The following TLL2 variants were observed in gnomAD, a reference collection of about 807,000 sequenced individuals.
The protein encoded by TLL2 is tolloid like 2, also known as tolloid-like protein 2.
In TLL2, 106 loss-of-function variants were observed where a neutral mutation model predicts 123.0. That is an observed-to-expected ratio of 0.86 (90% CI 0.74 to 1.01). The LOEUF (loss-of-function observed/expected upper bound fraction) is 1.01. TLL2 is among the 50% of genes least tolerant of loss of function. The probability of loss-of-function intolerance (pLI) is 0.00; values close to 1 mark genes in which losing one functional copy is unlikely to be tolerated. For missense variants in TLL2, 1,332 were observed against 1,336.7 expected (o/e 1.00, Z 0.06); for synonymous variants, 494 against 516.8 (o/e 0.96, Z 0.60).
intron 16 of TLL2, among the ~76,000 whole-genome samples, chr10:96,382,584 G>C (rs1846195616): frequency 6.6e-6 from 1 of 152,250 alleles, no homozygotes; most frequent in African/African-American, 2.4e-5. Flanking sequence ...AGTGTTGAGA[G>C]ATGAGGCCCT....
At chr10:96,370,724 C>A (rs1050230970) in intron 19 of TLL2, among the ~76,000 whole-genome samples, 2 of 152,182 alleles carry the variant, frequency 1.3e-5, no homozygotes, top group East Asian at 3.9e-4. Context: ...CTCGCCCCAC[C>A]GACTGACTGC....
intron 1 of TLL2, among the ~76,000 whole-genome samples, chr10:96,498,314 C>T (rs1271028959): frequency 5.3e-5 from 8 of 152,188 alleles, no homozygotes; most frequent in Non-Finnish European, 1.5e-5. Context: ...ACTGCCCCTC[C>T]CAGGCCTTCA....
In TLL2 at chr10:96,513,528, T is replaced by C; in HGVS notation, c.158A>G (p.His53Arg). 1 of 1,612,646 alleles carries C rather than the reference T, an allele frequency of 6.2e-7. No individual in the cohort carries two copies. Among genetic ancestry groups the C allele is most frequent in the South Asian group, 1.1e-5 (1 of 91,066 alleles). Residue 53 changes from histidine to arginine, a missense_variant, in exon 1 of 21, where the codon CAC becomes CGC. By Grantham distance (29) the His-to-Arg change is conservative. Transcript: ENST00000357947. ...GCACCTACCGGCTTTGCAAGGGTCG[T>C]GGTAATGCTCCAGCTGCTGCTCCGT... ...EGTEQQLEHYHDPCKAAVFWG... is the reference protein window; with the variant it reads ...EGTEQQLEHYRDPCKAAVFWG...
chr10:96,426,764 T>C (rs548109660), intron 5 of TLL2, among the ~76,000 whole-genome samples: 2 of 151,306 alleles, frequency 1.3e-5, no homozygotes, highest in South Asian at 4.1e-4. Flanking sequence ...ATATTTTGTC[T>C]CAATTAAACT....
Position 96,421,016 on chromosome 10 carries a change from G to C in TLL2, c.863C>G (p.Ser288Cys), listed in dbSNP as rs773055615. Residue 288 changes from serine to cysteine, a missense_variant, in exon 7 of 21, where the codon TCT becomes TGT. By Grantham distance (112) the Ser-to-Cys change is moderately radical (BLOSUM62 -1). Coordinates refer to ENST00000357947, the MANE Select transcript of TLL2 (RefSeq NM_012465.4). ...GTCAAAGTCGTATGTCTCTCCCAGA[G>C]AGCTCACTTCCCCAGCTTCCATTTT... ...FLKMEAGEVS[S>C]LGETYDFDSI... is the part of the protein sequence containing the mutation. 15 of 1,613,988 alleles carry C rather than the reference G, an allele frequency of 9.3e-6. No individual in the cohort carries two copies. The highest frequency in any genetic ancestry group is 8.5e-7 in the Non-Finnish European group (1 of 1,180,004).
chr10:96,453,716 G>C (rs1318941036), intron 2 of TLL2, among the ~76,000 whole-genome samples: 1 of 152,074 alleles, frequency 6.6e-6, no homozygotes, highest in African/African-American at 2.4e-5. Context: ...AAACAGGTTA[G>C]GAAATATAAT....
chr10:96,405,215 G>A lies in TLL2; in HGVS notation c.1267+17C>T. 1 of 1,609,496 alleles carries A rather than the reference G, an allele frequency of 6.2e-7. No individual in the cohort carries two copies. Among genetic ancestry groups the A allele is most frequent in the Non-Finnish European group, 8.5e-7 (1 of 1,175,816 alleles). ...ATCCCATCACTCCTCTCTTAACGGT[G>A]TCTAAAGTCAACTTACCCAAAAGGG... On this transcript the variant is annotated intron_variant, in intron 10 of 20. Coordinates refer to ENST00000357947, the MANE Select transcript of TLL2 (RefSeq NM_012465.4).
In TLL2 at chr10:96,493,366, G is replaced by A. The variant is rs569693649; in HGVS notation, c.176-12907C>T. 4.6e-5 allele frequency among the ~76,000 whole-genome samples: 7 copies of A among 152,330 alleles called. No individual in the cohort carries two copies. The East Asian group carries it at 1.3e-3, about 29-fold the overall frequency. ...AAGGGGATGAGTGGGAGGATGATGA[G>A]TGAGCTGCAGTTTGGCAGGTGGATA... is the stretch of plus-strand genomic sequence containing the variant. On this transcript the variant is annotated intron_variant, in intron 1 of 20. Transcript: ENST00000357947.
At chr10:96,511,944 C>T (rs1253688000) in intron 1 of TLL2, among the ~76,000 whole-genome samples, 1 of 152,196 alleles carries the variant, frequency 6.6e-6, no homozygotes, top group Non-Finnish European at 1.5e-5. Context: ...CAATAGTGCT[C>T]TGGAGCCTCT....
intron 1 of TLL2, among the ~76,000 whole-genome samples, chr10:96,483,618 T>C (rs569148766): frequency 6.6e-6 from 1 of 152,298 alleles, no homozygotes; most frequent in African/African-American, 2.4e-5. Flanking sequence ...AGTATAGAGA[T>C]GATCACAAGA....
chr10:96,446,734 C>T (rs919366518), intron 2 of TLL2, among the ~76,000 whole-genome samples: 3 of 152,160 alleles, frequency 2.0e-5, no homozygotes, highest in Admixed American at 1.3e-4. Context: ...ACTCTGTTTA[C>T]GAAGGACAGT....
chr10:96,422,689 T>A lies in TLL2; in HGVS notation c.677A>T (p.Gln226Leu). Residue 226 changes from glutamine to leucine, a missense_variant, in exon 6 of 21, where the codon CAG (glutamine) becomes CTG (leucine). Physicochemically the swap from Gln to Leu is moderately radical, Grantham distance 113. Coordinates refer to ENST00000357947, the MANE Select transcript of TLL2 (RefSeq NM_012465.4). ...ACAGTTCTTCCCAATGGATATGGCC[T>A]GTGGGCCTCCTCCTCGGCGCCCAAC... ...SYVGRRGGGP[Q>L]AISIGKNCDK... The A allele has an allele frequency of 6.2e-7, 1 of 1,614,216 alleles. No homozygotes were observed. The highest frequency in any genetic ancestry group is 2.2e-5 in the East Asian group (1 of 44,886).
rs761524315 is a variant in TLL2 at position 96,433,003 on chromosome 10, T to A, written c.365-41A>T. 5.0e-6 allele frequency: 8 copies of A among 1,595,166 alleles called. No individual in the cohort carries two copies. The Admixed American group carries it at 1.0e-4, about 20-fold the overall frequency. ...GTTAATATTGATTTTGCCCTTTGGT[T>A]CCTCCTGTGAATTATGGCTGAGGTT... On this transcript the variant is annotated intron_variant, in intron 3 of 20. Transcript: ENST00000357947.
intron 7 of TLL2, among the ~76,000 whole-genome samples, chr10:96,417,588 T>C (rs915401590): frequency 2.6e-5 from 4 of 152,204 alleles, no homozygotes; most frequent in African/African-American, 4.8e-5. Context: ...GCAGAAGTGA[T>C]GTCATGCAAG....
chr10:96,384,298 C>T (rs1464660422), intron 16 of TLL2, among the ~76,000 whole-genome samples: 2 of 152,156 alleles, frequency 1.3e-5, no homozygotes, highest in East Asian at 1.9e-4. Context: ...CATGGCCCTG[C>T]GAACACCTGG....
chr10:96,374,383 G>A (rs1846114829), intron 18 of TLL2: 2 of 158,876 alleles, frequency 1.3e-5, no homozygotes, highest in Non-Finnish European at 2.8e-5. Context: ...ATGATCTGGT[G>A]CTCTGGCATC....
At chr10:96,480,585 T>A in intron 1 of TLL2, 126 bp from the exon 2 acceptor site, 1 of 731,996 alleles carries the variant, frequency 1.4e-6, no homozygotes, top group Non-Finnish European at 2.4e-6. Flanking sequence ...TCCAGTAAAA[T>A]TTCTCCTTGA....
In TLL2 at chr10:96,513,837, C is replaced by G. The variant is rs1459615270; in HGVS notation, c.-152G>C. Reference sequence around the variant, plus strand: ...TGGCTCAGGCGCGGAGCAAGCGGAGCGCGGCGCCCCCTGTCTTCGTCGAGG... The same window carrying G: ...TGGCTCAGGCGCGGAGCAAGCGGAGGGCGGCGCCCCCTGTCTTCGTCGAGG... On this transcript the variant is annotated 5_prime_UTR_variant, in exon 1 of 21. Coordinates refer to ENST00000357947, the MANE Select transcript of TLL2 (RefSeq NM_012465.4). 6.1e-6 allele frequency: 5 copies of G among 822,016 alleles called. No individual in the cohort carries two copies. The highest frequency in any genetic ancestry group is 5.5e-5 in the African/African-American group (3 of 55,032). 50.9% of individuals were successfully genotyped at this position (822,016 alleles called of 1,614,324 possible).
chr10:96,397,291 C>T lies in TLL2; in HGVS notation c.1279G>A (p.Gly427Ser). ...ACGAGGGGCTCCGGGATCTTATCGC[C>T]ACAAAACCTGCCTGGAAAGTGGAAA... is the stretch of plus-strand genomic sequence containing the variant. ...RKAPLLGRFC[G>S]DKIPEPLVST... Residue 427 changes from glycine to serine, a missense_variant, in exon 11 of 21, where the codon GGC becomes AGC. Physicochemically the swap from Gly to Ser is moderately conservative, Grantham distance 56. Transcript: ENST00000357947. The T allele has an allele frequency of 2.5e-6, 4 of 1,612,368 alleles. No individual in the cohort carries two copies. Among genetic ancestry groups the T allele is most frequent in the Non-Finnish European group, 3.4e-6 (4 of 1,179,096 alleles).
Sources: allele counts gnomAD v4.1 joint callset (sites outside exome capture counted in the v4.1 genomes callset), GRCh38; gene constraint gnomAD v4.1.1; transcripts MANE v1.5; gene names NCBI Gene and HGNC (gene_info 2026-07-23, HGNC 2026-07-21).